Variants in TBC1D14 observed in about 807,000 individuals in gnomAD.
The protein encoded by TBC1D14 is TBC1 domain family member 14.
TBC1D14 carries 26 observed loss-of-function variants against 79.0 expected under a neutral mutation model. The ratio of observed to expected loss-of-function variants is 0.33; its 90% CI spans 0.24 to 0.46. The LOEUF is 0.46. Among genes scored for constraint, TBC1D14 ranks in the 20% least tolerant of loss-of-function variants. The pLI, the probability that TBC1D14 is intolerant of heterozygous loss-of-function variation, is 1.00. For missense variants in TBC1D14, 769 were observed against 887.6 expected (o/e 0.87, Z 1.70); for synonymous variants, 394 against 349.9 (o/e 1.13, Z -1.40).
chr4:7,027,621 C>T (rs1722549726), intron 13 of TBC1D14, among the ~76,000 whole-genome samples: 1 of 49,238 alleles, frequency 2.0e-5, no homozygotes, highest in South Asian at 9.5e-4. Flanking sequence ...CAGTCACATC[C>T]ACACACAATC....
intron 2 of TBC1D14, among the ~76,000 whole-genome samples, chr4:6,962,518 A>G (rs1485155130): frequency 3.3e-5 from 5 of 152,102 alleles, no homozygotes; most frequent in African/African-American, 9.7e-5. Flanking sequence ...CTGCTAGTAG[A>G]GTGAGTGCTT....
At chr4:6,921,380 AT>A (rs981436150) in intron 1 of TBC1D14, among the ~76,000 whole-genome samples, 8 of 151,422 alleles carry the variant, frequency 5.3e-5, no homozygotes, top group Non-Finnish European at 1.0e-4. Flanking sequence ...CTAATTTAAA[AT>A]TTTTTTTAAA....
chr4:6,950,298 G>T (rs970487643), intron 2 of TBC1D14, among the ~76,000 whole-genome samples: 2 of 152,176 alleles, frequency 1.3e-5, no homozygotes, highest in Non-Finnish European at 2.9e-5. Context: ...GCTAACTTCG[G>T]TTACTAATTC....
intron 7 of TBC1D14, 102 bp downstream of exon 7, chr4:7,001,353 T>C (rs1719656926): frequency 2.0e-6 from 2 of 993,082 alleles, no homozygotes; most frequent in Non-Finnish European, 1.5e-6. Context: ...GCCACGAATC[T>C]GTGTCTTTTG....
At chr4:6,997,905 A>G (rs919403762) in intron 5 of TBC1D14, among the ~76,000 whole-genome samples, 4 of 152,158 alleles carry the variant, frequency 2.6e-5, no homozygotes, top group African/African-American at 7.2e-5. Context: ...GGGCAGTTTG[A>G]TTTGGGAAAA....
At chr4:6,937,863 G>A (rs1271270554) in intron 2 of TBC1D14, among the ~76,000 whole-genome samples, 1 of 152,096 alleles carries the variant, frequency 6.6e-6, no homozygotes, top group Non-Finnish European at 1.5e-5. Context: ...TCACCGTGTG[G>A]GCGGGGAGGC....
rs1388812512 is a variant in TBC1D14, at chr4:7,030,448, CTG to C, written c.*58_*59del. The C allele has an allele frequency of 6.3e-6, 10 of 1,589,264 alleles. No individual in the cohort carries two copies. The highest frequency in any genetic ancestry group is 7.8e-6 in the Non-Finnish European group (9 of 1,158,942). ...ATCAGAGCCCCATGCCGCGGCCCCT[CTG>C]TTGTTTCAGACTGACACCCGGGCAG... On this transcript the variant is annotated 3_prime_UTR_variant, in exon 14 of 14. Transcript: ENST00000409757.
At chr4:7,002,364 T>C (rs1361294203) in intron 7 of TBC1D14, among the ~76,000 whole-genome samples, 1 of 152,262 alleles carries the variant, frequency 6.6e-6, no homozygotes, top group Non-Finnish European at 1.5e-5. Flanking sequence ...TTCTAAACTC[T>C]TGTCTCTGCA....
chr4:7,009,964 C>T lies in TBC1D14; in HGVS notation c.1518+16C>T, dbSNP rs1327463523. On this transcript the variant is annotated intron_variant, in intron 10 of 13. Coordinates refer to ENST00000409757, the MANE Select transcript of TBC1D14 (RefSeq NM_020773.3). ...TGTGGGTTATGTAAGTGAAGTTTCT[C>T]AGTATTTTATAATGTTGTTATCTAA... The T allele has an allele frequency of 1.2e-6, 2 of 1,613,418 alleles. No homozygotes were observed. The highest frequency in any genetic ancestry group is 2.7e-5 in the African/African-American group (2 of 74,890).
rs765711687 is a variant in TBC1D14, at chr4:7,001,194, A to C, written c.1213A>C (p.Ser405Arg). The change falls in exon 7 of 14, where the codon AGT becomes CGT. Residue 405 changes from serine (S) to arginine (R), a missense_variant. By Grantham distance (110) the Ser-to-Arg change is moderately radical. Coordinates refer to ENST00000409757, the MANE Select transcript of TBC1D14 (RefSeq NM_020773.3). Reference sequence around the variant, plus strand: ...TTTATGGTGGCAGGGAATCCCTCCAAGTGTGAGAGGCAAAGTCTGGAGCTT... The same window carrying C: ...TTTATGGTGGCAGGGAATCCCTCCACGTGTGAGAGGCAAAGTCTGGAGCTT... ...RDLWWQGIPP[S>R]VRGKVWSLAI... The C allele has an allele frequency of 5.6e-6, 9 of 1,614,008 alleles. No homozygotes were observed. The highest frequency in any genetic ancestry group is 4.2e-6 in the Non-Finnish European group (5 of 1,180,042).
chr4:6,952,272 TG>T (rs1012483060), intron 2 of TBC1D14, among the ~76,000 whole-genome samples: 3 of 152,228 alleles, frequency 2.0e-5, no homozygotes, highest in African/African-American at 7.2e-5. Flanking sequence ...TCCATAGGTC[TG>T]GGTGGGACTC....
chr4:6,930,328 G>A (rs970452405), intron 2 of TBC1D14, among the ~76,000 whole-genome samples: 3 of 152,188 alleles, frequency 2.0e-5, no homozygotes, highest in Admixed American at 1.3e-4. Context: ...GGAGTCAGCC[G>A]TTTGTCACGG....
chr4:6,952,841 T>C (rs930418220), intron 2 of TBC1D14, among the ~76,000 whole-genome samples: 1 of 151,564 alleles, frequency 6.6e-6, no homozygotes, highest in African/African-American at 2.4e-5. Flanking sequence ...TTTTTTTTTG[T>C]TGTTGTTGTT....
chr4:6,933,860 G>C lies in TBC1D14; in HGVS notation c.722+9749G>C, dbSNP rs531384063. Among the ~76,000 whole-genome samples the C allele has an allele frequency of 3.3e-5, 5 of 152,194 alleles. No homozygotes were observed. In the South Asian group the frequency reaches 1.0e-3, roughly 32 times the overall value. On this transcript the variant is annotated intron_variant, in intron 2 of 13. Coordinates refer to ENST00000409757, the MANE Select transcript of TBC1D14 (RefSeq NM_020773.3). The stretch of plus-strand genomic sequence containing the variant: ...GAGCAGGGAGTCTGAGGAGGCTGTT[G>C]CAAGAGTCCAGACAAGAGGTGATGA...
chr4:7,024,657 G>A (rs1038493137), intron 12 of TBC1D14, among the ~76,000 whole-genome samples: 3 of 152,208 alleles, frequency 2.0e-5, no homozygotes, highest in African/African-American at 4.8e-5. Context: ...CCTACCGTAC[G>A]CTTGCTCTGT....
intron 12 of TBC1D14, among the ~76,000 whole-genome samples, chr4:7,020,781 G>C (rs140218130): frequency 6.6e-6 from 1 of 152,086 alleles, no homozygotes; most frequent in African/African-American, 2.4e-5. Flanking sequence ...GCTCGCTGCA[G>C]CCTCCGCCTC....
chr4:6,954,229 G>A, intron 2 of TBC1D14: 1 of 714,056 alleles, frequency 1.4e-6, no homozygotes, highest in South Asian at 1.5e-5. Context: ...GCTCTGGCGT[G>A]CCAGGAATGC....
At chr4:6,995,127 C>G (rs1200638936) in intron 4 of TBC1D14, among the ~76,000 whole-genome samples, 1 of 152,144 alleles carries the variant, frequency 6.6e-6, no homozygotes, top group Non-Finnish European at 1.5e-5. Context: ...CTCCTTTTAC[C>G]CTAGTGCCAG....
chr4:6,958,376 T>TATATACACACACACACAC (rs538972596), intron 2 of TBC1D14, among the ~76,000 whole-genome samples: 4 of 149,112 alleles, frequency 2.7e-5, no homozygotes, highest in African/African-American at 1.0e-4. Context: ...TCCCCACATA[T>TATATACACACACACACAC]ACACACACAC....
Sources: gnomAD v4.1 joint callset for allele counts (sites outside exome capture counted in the v4.1 genomes callset) on GRCh38, gnomAD v4.1.1 for gene constraint, MANE v1.5 for transcripts, NCBI Gene and HGNC (gene_info 2026-07-23, HGNC 2026-07-21) for gene names.